Variants in CPED1 observed in about 807,000 individuals in gnomAD.
CPED1 encodes the protein cadherin-like and PC-esterase domain-containing protein 1.
A neutral mutation model predicts 128.2 loss-of-function variants in CPED1; 114 were observed. That is an observed-to-expected ratio of 0.89 (90% CI 0.76 to 1.04). CPED1 has a LOEUF of 1.04. Ranked by LOEUF, CPED1 falls within the 50% of genes least tolerant of loss-of-function variation. CPED1 has a pLI of 0.00. For missense variants in CPED1, 1,211 were observed against 1,207.1 expected (o/e 1.00, Z -0.05); for synonymous variants, 462 against 426.7 (o/e 1.08, Z -1.02).
Position 121,015,813 on chromosome 7 carries a change from T to C in CPED1, c.398T>C (p.Leu133Pro). The C allele has an allele frequency of 6.3e-7, 1 of 1,591,940 alleles. No individual in the cohort carries two copies. Among genetic ancestry groups the C allele is most frequent in the Non-Finnish European group, 8.5e-7 (1 of 1,172,786 alleles). The change falls in exon 3 of 23, where the codon CTC becomes CCC. Residue 133 changes from leucine (L) to proline (P), a missense_variant. Leu to Pro is a moderately conservative substitution (Grantham distance 98). Coordinates refer to ENST00000310396, the MANE Select transcript of CPED1 (RefSeq NM_024913.5). ...GYTVVIAEER[L>P]NAGLGPGLLE... ...ACGGTTGTCATCGCTGAAGAAAGGC[T>C]CAATGCTGGCCTAGGGCCGGGGCTA...
At chr7:121,063,371 TGAA>T (rs1462210429) in intron 4 of CPED1, among the ~76,000 whole-genome samples, 7 of 26,840 alleles carry the variant, frequency 2.6e-4, no homozygotes, top group African/African-American at 1.0e-3. Flanking sequence ...ATTTTGCAAA[TGAA>T]GAAACTGAAA....
chr7:121,148,292 C>A (rs1917110), intron 16 of CPED1, among the ~76,000 whole-genome samples: 4 of 151,612 alleles, frequency 2.6e-5, no homozygotes, highest in Admixed American at 6.6e-5. Flanking sequence ...TAGGGGAATA[C>A]AAATAGCAGC....
chr7:121,265,833 G>A (rs554404225), intron 18 of CPED1, among the ~76,000 whole-genome samples: 13 of 151,776 alleles, frequency 8.6e-5, no homozygotes, highest in Non-Finnish European at 1.9e-4. Context: ...TGAATTCTCT[G>A]TTTGCACATC....
At chr7:121,116,172 T>C (rs1258617099) in intron 7 of CPED1, among the ~76,000 whole-genome samples, 1 of 152,232 alleles carries the variant, frequency 6.6e-6, no homozygotes, top group African/African-American at 2.4e-5. Flanking sequence ...ATCTACATTC[T>C]GAATTTCCAA....
intron 3 of CPED1, among the ~76,000 whole-genome samples, chr7:121,028,912 A>G (rs1792662960): frequency 6.6e-6 from 1 of 152,178 alleles, no homozygotes; most frequent in Non-Finnish European, 1.5e-5. Context: ...GCTTTTATAC[A>G]TTTTATGCAG....
chr7:121,120,597 T>C (rs1269244651), intron 7 of CPED1, among the ~76,000 whole-genome samples: 2 of 152,192 alleles, frequency 1.3e-5, no homozygotes, highest in African/African-American at 4.8e-5. Context: ...CTCCGGTTTC[T>C]CATTCAAGAA....
intron 16 of CPED1, among the ~76,000 whole-genome samples, chr7:121,203,478 C>T (rs1392076463): frequency 1.3e-5 from 2 of 152,092 alleles, no homozygotes; most frequent in Non-Finnish European, 2.9e-5. Context: ...ACAGATAGAC[C>T]CGTCAGCATG....
intron 5 of CPED1, among the ~76,000 whole-genome samples, chr7:121,072,201 C>A (rs74950479): frequency 2.1e-4 from 26 of 121,486 alleles, no homozygotes; most frequent in South Asian, 2.6e-4. Context: ...AAAAAAAAAA[C>A]ATGGGAGTAA....
intron 3 of CPED1, among the ~76,000 whole-genome samples, chr7:121,024,790 A>T (rs1326182826): frequency 6.6e-6 from 1 of 152,182 alleles, no homozygotes; most frequent in Non-Finnish European, 1.5e-5. Flanking sequence ...TTGTAAAAAC[A>T]CATAATATCC....
At chr7:121,095,542 G>A (rs1794678264) in intron 5 of CPED1, among the ~76,000 whole-genome samples, 1 of 151,512 alleles carries the variant, frequency 6.6e-6, no homozygotes, top group African/African-American at 2.4e-5. Context: ...AATATAATTG[G>A]AAGCCTAGAA....
chr7:121,287,262 C>T (rs1034823562), intron 22 of CPED1, among the ~76,000 whole-genome samples: 1 of 151,872 alleles, frequency 6.6e-6, no homozygotes, highest in African/African-American at 2.4e-5. Context: ...CCTCCTGCCA[C>T]ACAGACACAG....
At chr7:121,284,036 G>C (rs1257063220) in intron 22 of CPED1, among the ~76,000 whole-genome samples, 1 of 152,150 alleles carries the variant, frequency 6.6e-6, no homozygotes, top group African/African-American at 2.4e-5. Flanking sequence ...CCTGAGACTG[G>C]GTAATTTATA....
intron 16 of CPED1, among the ~76,000 whole-genome samples, chr7:121,164,684 A>G (rs541268047): frequency 1.3e-5 from 2 of 152,276 alleles, no homozygotes; most frequent in African/African-American, 2.4e-5. Context: ...TATAAAAAGC[A>G]CCTGCTTTTA....
At chr7:121,033,100 G>A (rs1224990824) in intron 3 of CPED1, among the ~76,000 whole-genome samples, 1 of 152,140 alleles carries the variant, frequency 6.6e-6, no homozygotes, top group Non-Finnish European at 1.5e-5. Flanking sequence ...AGAGAAAACT[G>A]CTGAGCCTGG....
intron 16 of CPED1, among the ~76,000 whole-genome samples, chr7:121,220,512 C>A (rs558722480): frequency 1.3e-5 from 2 of 152,070 alleles, no homozygotes; most frequent in South Asian, 4.2e-4. Context: ...GACTTCTGGC[C>A]TCCAGAACTG....
chr7:121,139,592 A>C (rs999685855), intron 14 of CPED1, among the ~76,000 whole-genome samples: 1 of 152,056 alleles, frequency 6.6e-6, no homozygotes, highest in Non-Finnish European at 1.5e-5. Context: ...TGGGCAATGC[A>C]GCTGGAGAGC....
intron 16 of CPED1, among the ~76,000 whole-genome samples, chr7:121,233,003 C>A (rs1396683813): frequency 6.6e-6 from 1 of 151,954 alleles, no homozygotes; most frequent in African/African-American, 2.4e-5. Flanking sequence ...ACAAATAATT[C>A]TGTAAGGAAT....
intron 3 of CPED1, among the ~76,000 whole-genome samples, chr7:121,035,657 G>T (rs919218148): frequency 4.6e-5 from 7 of 151,814 alleles, no homozygotes; most frequent in African/African-American, 1.7e-4. Flanking sequence ...AACAGAGTGA[G>T]ACCCCTGTCT....
At chr7:121,201,256 C>T (rs946349161) in intron 16 of CPED1, among the ~76,000 whole-genome samples, 2 of 151,944 alleles carry the variant, frequency 1.3e-5, no homozygotes, top group African/African-American at 4.8e-5. Context: ...AACATGGTAA[C>T]ACCCCGCTCC....
Sources: allele counts gnomAD v4.1 joint callset (sites outside exome capture counted in the v4.1 genomes callset), GRCh38; gene constraint gnomAD v4.1.1; transcripts MANE v1.5; gene names NCBI Gene and HGNC (gene_info 2026-07-23, HGNC 2026-07-21).